Variants in FAM185A observed in about 807,000 individuals in gnomAD.
FAM185A encodes the protein family with sequence similarity 185 member A, also known as protein FAM185A.
A neutral mutation model predicts 45.7 loss-of-function variants in FAM185A; 21 were observed. The ratio of observed to expected loss-of-function variants is 0.46; its 90% CI spans 0.33 to 0.66. The LOEUF is 0.66. Among genes scored for constraint, FAM185A ranks in the 30% least tolerant of loss-of-function variants. The probability of loss-of-function intolerance (pLI) is 0.03; values close to 1 mark genes in which losing one functional copy is unlikely to be tolerated. For missense variants in FAM185A, 305 were observed against 485.4 expected (o/e 0.63, Z 3.49); for synonymous variants, 117 against 194.0 (o/e 0.60, Z 3.30).
intron 7 of FAM185A, among the ~76,000 whole-genome samples, chr7:102,799,882 G>C (rs1209143438): frequency 1.3e-5 from 2 of 152,156 alleles, no homozygotes; most frequent in East Asian, 1.9e-4. Flanking sequence ...CTCTGACTCT[G>C]ACGGACAGAG....
At chr7:102,806,142 TTTG>T (rs112645611) in intron 7 of FAM185A, among the ~76,000 whole-genome samples, 231 of 151,566 alleles carry the variant, frequency 1.5e-3, no homozygotes, top group Middle Eastern at 6.8e-3. Flanking sequence ...AAGCTGTTAT[TTTG>T]TTGTTGTTGT....
intron 3 of FAM185A, among the ~76,000 whole-genome samples, chr7:102,758,788 C>T (rs1484909976): frequency 6.6e-6 from 1 of 151,270 alleles, no homozygotes; most frequent in East Asian, 1.9e-4. Flanking sequence ...ACAAGATAGA[C>T]TATAACAGTA....
chr7:102,778,218 CA>C (rs1409207567), intron 6 of FAM185A, among the ~76,000 whole-genome samples: 1 of 152,166 alleles, frequency 6.6e-6, no homozygotes, highest in African/African-American at 2.4e-5. Flanking sequence ...TAGAATTTGT[CA>C]GTGTCAAAAC....
At chr7:102,834,347 G>C in the FAM185A span, among the ~76,000 whole-genome samples, 1 of 144,960 alleles carries the variant, frequency 6.9e-6, no homozygotes, top group Non-Finnish European at 1.5e-5. Flanking sequence ...AACCCTAATG[G>C]GTTACTAAAG....
chr7:102,781,988 A>G (rs1328962599), intron 6 of FAM185A, among the ~76,000 whole-genome samples: 1 of 152,242 alleles, frequency 6.6e-6, no homozygotes, highest in Non-Finnish European at 1.5e-5. Context: ...AAACCAAGGC[A>G]TGAGAACTAT....
chr7:102,790,397 C>T (rs1796076513), intron 7 of FAM185A, among the ~76,000 whole-genome samples: 2 of 152,162 alleles, frequency 1.3e-5, no homozygotes. Context: ...CATAATTATG[C>T]AGTGTGTGAC....
chr7:102,793,770 C>T (rs1305360273), intron 7 of FAM185A, among the ~76,000 whole-genome samples: 3 of 151,370 alleles, frequency 2.0e-5, no homozygotes, highest in African/African-American at 7.3e-5. Context: ...CGGGCACGGT[C>T]GCTCACGCCT....
chr7:102,850,318 T>C, the FAM185A span, among the ~76,000 whole-genome samples: 1 of 151,858 alleles, frequency 6.6e-6, no homozygotes, highest in African/African-American at 2.4e-5. Context: ...CTTTGGCCAA[T>C]ACTCCTTCAT....
downstream of FAM185A, chr7:102,813,195 A>T: frequency 2.7e-6 from 2 of 754,522 alleles, no homozygotes; most frequent in East Asian, 2.8e-5. Flanking sequence ...ATGTGTTTGG[A>T]AATATTTGTA....
At chr7:102,784,528 C>T (rs1008740042) in intron 6 of FAM185A, among the ~76,000 whole-genome samples, 9 of 152,120 alleles carry the variant, frequency 5.9e-5, no homozygotes, top group Non-Finnish European at 1.0e-4. Context: ...GCTGGTTCAA[C>T]ATATGCAAAT....
chr7:102,786,942 C>T (rs1222218532), intron 6 of FAM185A, among the ~76,000 whole-genome samples: 1 of 151,890 alleles, frequency 6.6e-6, no homozygotes, highest in South Asian at 2.1e-4. Context: ...ATAATAATAC[C>T]TCATAAAGTT....
intron 7 of FAM185A, among the ~76,000 whole-genome samples, chr7:102,800,043 G>A (rs1468430800): frequency 1.3e-5 from 2 of 152,198 alleles, no homozygotes; most frequent in East Asian, 1.9e-4. Flanking sequence ...TGGTATCCAT[G>A]GCTGAGAGAC....
chr7:102,761,140 A>G, intron 3 of FAM185A, 133 bp from the exon 4 acceptor site: 1 of 753,132 alleles, frequency 1.3e-6, no homozygotes, highest in Non-Finnish European at 2.0e-6. Flanking sequence ...AGAGGTAGGG[A>G]ATCAGAGTCA....
intron 7 of FAM185A, among the ~76,000 whole-genome samples, chr7:102,788,777 G>A (rs1795976487): frequency 6.6e-6 from 1 of 152,134 alleles, no homozygotes; most frequent in South Asian, 2.1e-4. Context: ...ATACACCGAG[G>A]CTGTGTAGTA....
downstream of FAM185A, among the ~76,000 whole-genome samples, chr7:102,813,065 A>G (rs1042314723): frequency 4.7e-5 from 7 of 150,070 alleles, no homozygotes; most frequent in Non-Finnish European, 8.9e-5. Context: ...CTGGTCTTGA[A>G]CTCCTGACTT....
rs1202354852 is a variant in FAM185A, at chr7:102,757,983, C to A, written c.654+37C>A. ...ACTTTCTTTTTTTTTTTAGTAATTG[C>A]AACTTTGCTTCCATTTGGCTCACCA... On this transcript the variant is annotated intron_variant, in intron 3 of 7. Coordinates refer to ENST00000413034, the MANE Select transcript of FAM185A (RefSeq NM_001145268.2). The A allele has an allele frequency of 3.1e-5, 48 of 1,543,358 alleles. No homozygotes were observed. The East Asian group carries it at 1.2e-3, about 38-fold the overall frequency.
At chr7:102,827,993 G>A in the FAM185A span, among the ~76,000 whole-genome samples, 1 of 152,186 alleles carries the variant, frequency 6.6e-6, no homozygotes, top group Admixed American at 6.5e-5. Context: ...TAGCCTTGTA[G>A]TATAGTTTGA....
chr7:102,773,910 T>A (rs2537429), intron 5 of FAM185A, among the ~76,000 whole-genome samples: 1 of 152,144 alleles, frequency 6.6e-6, no homozygotes, highest in Non-Finnish European at 1.5e-5. Context: ...GATTACTGTA[T>A]CTTTGGTAAG....
chr7:102,766,775 G>GTT (rs201821087), intron 4 of FAM185A, among the ~76,000 whole-genome samples: 8 of 148,500 alleles, frequency 5.4e-5, no homozygotes, highest in Admixed American at 2.7e-4. Context: ...ATACAACTTT[G>GTT]TTTTTTTTGT....
Sources: allele counts gnomAD v4.1 joint callset (sites outside exome capture counted in the v4.1 genomes callset), GRCh38; gene constraint gnomAD v4.1.1; transcripts MANE v1.5; gene names NCBI Gene and HGNC (gene_info 2026-07-23, HGNC 2026-07-21).